Variants in PCSK2 observed in about 807,000 individuals in gnomAD.
PCSK2 encodes the protein neuroendocrine convertase 2.
In PCSK2, 14 loss-of-function variants were observed where a neutral mutation model predicts 69.7. The observed-to-expected ratio is 0.20, with a 90% confidence interval of 0.13 to 0.31. The LOEUF (loss-of-function observed/expected upper bound fraction) is 0.31. Among genes scored for constraint, PCSK2 ranks in the 10% least tolerant of loss-of-function variants. The pLI, the probability that PCSK2 is intolerant of heterozygous loss-of-function variation, is 1.00. For missense variants in PCSK2, 544 were observed against 842.5 expected (o/e 0.65, Z 4.39); for synonymous variants, 307 against 320.7 (o/e 0.96, Z 0.46).
At chr20:17,433,847 T>A (rs1475442663) in intron 7 of PCSK2, among the ~76,000 whole-genome samples, 1 of 68,350 alleles carries the variant, frequency 1.5e-5, no homozygotes, top group Non-Finnish European at 2.6e-5. Context: ...CCTCCCCCCC[T>A]TCCTCCCTCT....
At chr20:17,243,254 A>G (rs1233398360) in intron 1 of PCSK2, among the ~76,000 whole-genome samples, 114 of 152,210 alleles carry the variant, frequency 7.5e-4, no homozygotes, top group Admixed American at 7.3e-3. Flanking sequence ...AGGCTGGAGT[A>G]CAGTGGTATG....
intron 2 of PCSK2, among the ~76,000 whole-genome samples, chr20:17,290,579 C>T (rs976566118): frequency 1.2e-4 from 18 of 152,110 alleles, no homozygotes; most frequent in African/African-American, 3.9e-4. Context: ...ATAACTGGCC[C>T]TGGTCATACT....
At chr20:17,459,152 G>T (rs2032972146) in intron 10 of PCSK2, among the ~76,000 whole-genome samples, 1 of 152,114 alleles carries the variant, frequency 6.6e-6, no homozygotes, top group African/African-American at 2.4e-5. Flanking sequence ...AATTCATTAG[G>T]TGTGGCTCCA....
chr20:17,321,791 T>C (rs959661222), intron 2 of PCSK2, among the ~76,000 whole-genome samples: 4 of 152,074 alleles, frequency 2.6e-5, no homozygotes, highest in Admixed American at 2.0e-4. Context: ...CCAAGAACTA[T>C]TAAAAAGAGT....
At chr20:17,263,091 A>G in intron 2 of PCSK2, 1 of 972,354 alleles carries the variant, frequency 1.0e-6, no homozygotes, top group Non-Finnish European at 1.2e-6. Context: ...TAGCTTTTTG[A>G]CCAAAGAAAC....
chr20:17,265,640 C>T (rs1028931206), intron 2 of PCSK2, among the ~76,000 whole-genome samples: 5 of 152,014 alleles, frequency 3.3e-5, no homozygotes, highest in African/African-American at 1.2e-4. Flanking sequence ...TTCTCATTTC[C>T]TTGTAGCATA....
At chr20:17,416,664 A>G (rs1600563089) in intron 6 of PCSK2, among the ~76,000 whole-genome samples, 1 of 152,326 alleles carries the variant, frequency 6.6e-6, no homozygotes, top group Non-Finnish European at 1.5e-5. Context: ...CAGCAATCCA[A>G]CTACTGGATA....
chr20:17,439,918 C>A (rs1234845745), intron 8 of PCSK2, among the ~76,000 whole-genome samples: 1 of 152,146 alleles, frequency 6.6e-6, no homozygotes, highest in Non-Finnish European at 1.5e-5. Flanking sequence ...TGTCACGGGT[C>A]CCAGGGGAAG....
intron 5 of PCSK2, among the ~76,000 whole-genome samples, chr20:17,373,505 AG>A (rs2030835360): frequency 6.6e-6 from 1 of 152,206 alleles, no homozygotes; most frequent in Admixed American, 6.5e-5. Flanking sequence ...TTCAGGCTGA[AG>A]GGGGATGTAG....
At chr20:17,241,515 C>T (rs1986571003) in intron 1 of PCSK2, among the ~76,000 whole-genome samples, 1 of 152,170 alleles carries the variant, frequency 6.6e-6, no homozygotes, top group African/African-American at 2.4e-5. Context: ...TTGATCTCTG[C>T]CTGGTTTCTT....
At chr20:17,344,988 C>T (rs1173302731) in intron 2 of PCSK2, among the ~76,000 whole-genome samples, 3 of 152,212 alleles carry the variant, frequency 2.0e-5, no homozygotes, top group Non-Finnish European at 4.4e-5. Flanking sequence ...CAAAAAGCTG[C>T]CTAATTAATG....
At chr20:17,411,967 G>A (rs542119721) in intron 6 of PCSK2, among the ~76,000 whole-genome samples, 5 of 152,194 alleles carry the variant, frequency 3.3e-5, no homozygotes, top group Admixed American at 6.5e-5. Flanking sequence ...CTAACAAACA[G>A]AAAGGAATAG....
At position 17,239,104 on chromosome 20, in the gene PCSK2, G is replaced by T. The variant is rs542544559; in HGVS notation, c.177+11622G>T. 2.6e-5 allele frequency among the ~76,000 whole-genome samples: 4 copies of T among 152,274 alleles called. No homozygotes were observed. In the East Asian group the frequency reaches 7.7e-4, roughly 29 times the overall value. The stretch of plus-strand genomic sequence containing the variant: ...TGGATTTCCTTAATTGCCCTTAATA[G>T]CCTAAAATTTTGTGACTTAATCATT... On this transcript the variant is annotated intron_variant, in intron 1 of 11. Coordinates refer to ENST00000262545, the MANE Select transcript of PCSK2 (RefSeq NM_002594.5).
At chr20:17,253,512 C>A (rs958783752) in intron 1 of PCSK2, among the ~76,000 whole-genome samples, 6 of 152,134 alleles carry the variant, frequency 3.9e-5, no homozygotes, top group African/African-American at 1.4e-4. Flanking sequence ...TTTCAAGGTT[C>A]TTCCGTGTTT....
intron 2 of PCSK2, among the ~76,000 whole-genome samples, chr20:17,320,781 G>A (rs907704296): frequency 1.3e-5 from 2 of 152,208 alleles, no homozygotes; most frequent in Non-Finnish European, 1.5e-5. Flanking sequence ...TTCAGGCAGA[G>A]ACAGTATTTT....
intron 1 of PCSK2, among the ~76,000 whole-genome samples, chr20:17,248,178 GTGTGTGT>G (rs759473384): frequency 0.022 from 967 of 43,344 alleles, 7 homozygotes; most frequent in Middle Eastern, 0.081. Context: ...AAAAAAGGGT[GTGTGTGT>G]GTGTGTGTGT....
At chr20:17,329,631 A>G (rs1391341364) in intron 2 of PCSK2, among the ~76,000 whole-genome samples, 3 of 152,246 alleles carry the variant, frequency 2.0e-5, no homozygotes, top group East Asian at 1.9e-4. Flanking sequence ...TAACACGTGC[A>G]TATCTTTAAC....
intron 5 of PCSK2, among the ~76,000 whole-genome samples, chr20:17,395,366 T>G (rs957284462): frequency 7.2e-5 from 11 of 152,234 alleles, no homozygotes; most frequent in African/African-American, 2.7e-4. Context: ...CTTAATGTTC[T>G]CACTCAGTGC....
intron 5 of PCSK2, among the ~76,000 whole-genome samples, chr20:17,377,039 A>G (rs2123244461): frequency 6.6e-6 from 1 of 152,320 alleles, no homozygotes; most frequent in East Asian, 1.9e-4. Flanking sequence ...CTAAGGAAAG[A>G]GAGGACCCTG....
Sources: allele counts gnomAD v4.1 joint callset (sites outside exome capture counted in the v4.1 genomes callset), GRCh38; gene constraint gnomAD v4.1.1; transcripts MANE v1.5; gene names NCBI Gene and HGNC (gene_info 2026-07-23, HGNC 2026-07-21).